ACACA: variants seen among roughly 807,000 people sequenced by gnomAD.
ACACA encodes the protein acetyl-CoA carboxylase 1.
Under a neutral mutation model 296.1 loss-of-function variants are expected in ACACA, and 103 were observed. The ratio of observed to expected loss-of-function variants is 0.35; its 90% CI spans 0.30 to 0.41. The LOEUF is 0.41. ACACA is among the 10% of genes least tolerant of loss of function. The pLI, the probability that ACACA is intolerant of heterozygous loss-of-function variation, is 1.00. For missense variants in ACACA, 1,554 were observed against 2,989.7 expected (o/e 0.52, Z 11.20); for synonymous variants, 953 against 1,038.6 (o/e 0.92, Z 1.58).
chr17:37,268,897 A>G (rs1396523419), intron 10 of ACACA, among the ~76,000 whole-genome samples: 2 of 150,918 alleles, frequency 1.3e-5, no homozygotes, highest in South Asian at 2.1e-4. Flanking sequence ...ATTTGATTCC[A>G]TAAGTAATGA....
At chr17:37,144,895 T>C (rs536348310) in intron 45 of ACACA, among the ~76,000 whole-genome samples, 35 of 152,116 alleles carry the variant, frequency 2.3e-4, no homozygotes, top group Non-Finnish European at 5.1e-4. Flanking sequence ...ATCACCTGCA[T>C]ATCACTGCCT....
intron 6 of ACACA, 140 bp from the exon 7 acceptor site, chr17:37,277,254 C>G (rs1286943989): frequency 1.6e-5 from 12 of 771,770 alleles, no homozygotes; most frequent in Non-Finnish European, 2.2e-6. Flanking sequence ...AGCTTCTATG[C>G]TTGATTGTTG....
intron 41 of ACACA, among the ~76,000 whole-genome samples, chr17:37,164,959 G>A (rs2076606684): frequency 6.6e-6 from 1 of 152,086 alleles, no homozygotes; most frequent in African/African-American, 2.4e-5. Context: ...ACTACCTGGG[G>A]ACTCTAACTG....
chr17:37,101,369 T>C (rs2073352839), intron 52 of ACACA, among the ~76,000 whole-genome samples: 1 of 152,220 alleles, frequency 6.6e-6, no homozygotes, highest in Non-Finnish European at 1.5e-5. Context: ...TCAAAGCTAA[T>C]ATTTATAGGG....
rs2075689509 is a variant in ACACA at position 37,143,575 on chromosome 17, T to C, written c.5679+6289A>G. 27 of 655,640 alleles carry C rather than the reference T, an allele frequency of 4.1e-5. No homozygotes were observed. In the East Asian group the frequency reaches 9.9e-4, roughly 24 times the overall value. The allele number at this position is 655,640 out of a possible 1,614,324, so 40.6% of individuals were successfully genotyped here. ...AAGACACCATACAGTTTAAAAAAAT[T>C]CTTACACAGCCTTACATTTCAATTT... On this transcript the variant is annotated intron_variant, in intron 45 of 55. Coordinates refer to ENST00000616317, the MANE Select transcript of ACACA (RefSeq NM_198834.3).
intron 1 of ACACA, among the ~76,000 whole-genome samples, chr17:37,368,350 G>A (rs2049684303): frequency 6.6e-6 from 1 of 152,140 alleles, no homozygotes; most frequent in Non-Finnish European, 1.5e-5. Flanking sequence ...GGAGGCCAAG[G>A]TGGGTGAATC....
rs551092330 is a variant in ACACA at position 37,391,949 on chromosome 17, A to T, written c.38+14313T>A. ...TCACTTCATACATCCATCTAAATGG[A>T]TACCTTTCCATCCCCTCAAACGAGA... On this transcript the variant is annotated intron_variant, in intron 1 of 55. Transcript: ENST00000616317. 5.4e-4 allele frequency: 297 copies of T among 550,488 alleles called. 8 individuals carry two copies. The South Asian group carries it at 7.9e-3, about 15-fold the overall frequency. The allele number at this position is 550,488 out of a possible 1,614,324, so 34.1% of individuals were successfully genotyped here.
At chr17:37,230,298 C>T (rs1167716828) in intron 25 of ACACA, among the ~76,000 whole-genome samples, 1 of 150,970 alleles carries the variant, frequency 6.6e-6, no homozygotes, top group African/African-American at 2.4e-5. Flanking sequence ...GCAGGAGAAT[C>T]GCTTGAACCC....
At chr17:37,341,920 C>A (rs2048386914) in intron 1 of ACACA, among the ~76,000 whole-genome samples, 1 of 151,994 alleles carries the variant, frequency 6.6e-6, no homozygotes, top group Non-Finnish European at 1.5e-5. Flanking sequence ...TAAACTCCTG[C>A]CCTGAATTAG....
At chr17:37,208,130 T>A (rs1386077826) in intron 30 of ACACA, among the ~76,000 whole-genome samples, 1 of 152,136 alleles carries the variant, frequency 6.6e-6, no homozygotes, top group African/African-American at 2.4e-5. Flanking sequence ...TTAAAAACCA[T>A]CCTGCATCTT....
At chr17:37,381,963 T>A (rs1426291673) in intron 1 of ACACA, among the ~76,000 whole-genome samples, 1 of 152,190 alleles carries the variant, frequency 6.6e-6, no homozygotes, top group Admixed American at 6.6e-5. Context: ...CCTATTGATA[T>A]ATATTTTGGT....
chr17:37,392,271 G>A (rs1417366410), intron 1 of ACACA: 2 of 153,216 alleles, frequency 1.3e-5, no homozygotes, highest in African/African-American at 4.8e-5. Context: ...TTCCTCATAA[G>A]TTATCCCCAA....
intron 54 of ACACA, among the ~76,000 whole-genome samples, chr17:37,094,962 C>A (rs1014650146): frequency 6.6e-6 from 1 of 152,250 alleles, no homozygotes; most frequent in African/African-American, 2.4e-5. Flanking sequence ...GGAGCTTGTA[C>A]ACACGTGGTC....
At chr17:37,157,181 G>T (rs2076284610) in intron 42 of ACACA, among the ~76,000 whole-genome samples, 2 of 152,210 alleles carry the variant, frequency 1.3e-5, no homozygotes, top group Admixed American at 1.3e-4. Context: ...AAGCCTCATT[G>T]AAAAGTGTCA....
At chr17:37,166,140 A>AT (rs955439038) in intron 41 of ACACA, among the ~76,000 whole-genome samples, 46 of 145,778 alleles carry the variant, frequency 3.2e-4, no homozygotes, top group South Asian at 4.4e-4. Context: ...TTTCAATTTA[A>AT]TTTTTTTTTT....
intron 52 of ACACA, among the ~76,000 whole-genome samples, chr17:37,110,533 G>A (rs1171692769): frequency 3.9e-5 from 6 of 152,214 alleles, no homozygotes; most frequent in African/African-American, 1.2e-4. Context: ...AGGGTTTCTT[G>A]TAACCCAAGT....
chr17:37,242,146 CTTA>C (rs1317334431), intron 22 of ACACA, 93 bp from the exon 23 acceptor site: 2 of 954,420 alleles, frequency 2.1e-6, no homozygotes, highest in Non-Finnish European at 3.4e-6. Flanking sequence ...GAATCTTCTT[CTTA>C]TAACATGGCA....
At chr17:37,401,366 T>C (rs2051283435) in intron 1 of ACACA, among the ~76,000 whole-genome samples, 1 of 151,500 alleles carries the variant, frequency 6.6e-6, no homozygotes, top group Non-Finnish European at 1.5e-5. Context: ...CTAATTTTTG[T>C]TTTTTTAGTA....
chr17:37,150,435 G>A lies in ACACA; in HGVS notation c.5569-461C>T, dbSNP rs372176644. ...CACGTGCCTGTAATCCCAGCTACTC[G>A]GGAGGCCAAGGCAGGAAAACCACTT... On this transcript the variant is annotated intron_variant, in intron 44 of 55. Coordinates refer to ENST00000616317, the MANE Select transcript of ACACA (RefSeq NM_198834.3). 9.2e-5 allele frequency among the ~76,000 whole-genome samples: 14 copies of A among 151,942 alleles called. 1 individual carries two copies. In the South Asian group the frequency reaches 2.9e-3, roughly 32 times the overall value.
Sources: gnomAD v4.1 joint callset for allele counts (sites outside exome capture counted in the v4.1 genomes callset) on GRCh38, gnomAD v4.1.1 for gene constraint, MANE v1.5 for transcripts, NCBI Gene and HGNC (gene_info 2026-07-23, HGNC 2026-07-21) for gene names.